The following L3MBTL4 variants were observed in gnomAD, a reference collection of about 807,000 sequenced individuals.
L3MBTL4 encodes L3MBTL histone methyl-lysine binding protein 4.
A neutral mutation model predicts 84.5 loss-of-function variants in L3MBTL4; 70 were observed. The ratio of observed to expected loss-of-function variants is 0.83; its 90% CI spans 0.68 to 1.01. L3MBTL4 has a LOEUF of 1.01. Among genes scored for constraint, L3MBTL4 ranks in the 50% least tolerant of loss-of-function variants. L3MBTL4 has a pLI of 0.00. For synonymous variants in L3MBTL4, 274 were observed against 259.8 expected (o/e 1.05, Z -0.52); for missense variants, 715 against 754.8 (o/e 0.95, Z 0.62).
intron 16 of L3MBTL4, among the ~76,000 whole-genome samples, chr18:6,035,737 A>G (rs984166873): frequency 3.3e-5 from 5 of 152,046 alleles, no homozygotes; most frequent in South Asian, 2.1e-4. Context: ...AATTACCTTG[A>G]GCAGTATGGC....
intron 16 of L3MBTL4, among the ~76,000 whole-genome samples, chr18:6,052,385 T>C (rs2056871497): frequency 6.6e-6 from 1 of 152,216 alleles, no homozygotes; most frequent in Admixed American, 6.5e-5. Context: ...TGTTCAGCAT[T>C]TTTCAGTATC....
intron 1 of L3MBTL4, among the ~76,000 whole-genome samples, chr18:6,387,325 G>A (rs58159974): frequency 0.01 from 1,566 of 152,244 alleles, 25 homozygotes; most frequent in African/African-American, 0.035. Context: ...ATACCCATAT[G>A]AGCATTCAAG....
intron 1 of L3MBTL4, among the ~76,000 whole-genome samples, chr18:6,346,455 T>G (rs918421565): frequency 4.6e-5 from 7 of 152,088 alleles, no homozygotes; most frequent in African/African-American, 1.7e-4. Flanking sequence ...GATAAGGGGC[T>G]AATATACAAA....
intron 4 of L3MBTL4, among the ~76,000 whole-genome samples, chr18:6,264,936 G>A (rs951563995): frequency 6.6e-6 from 1 of 152,186 alleles, no homozygotes; most frequent in Admixed American, 6.5e-5. Flanking sequence ...CAAAGTAAAG[G>A]TCCACAAAGG....
intron 16 of L3MBTL4, among the ~76,000 whole-genome samples, chr18:5,977,235 C>T (rs969141277): frequency 7.2e-5 from 11 of 152,212 alleles, no homozygotes; most frequent in African/African-American, 2.7e-4. Context: ...CCTGTGGTGC[C>T]CAGCTCCTCC....
chr18:6,070,437 ATTC>A (rs1225165719), intron 16 of L3MBTL4, among the ~76,000 whole-genome samples: 1 of 151,982 alleles, frequency 6.6e-6, no homozygotes, highest in Non-Finnish European at 1.5e-5. Flanking sequence ...CCAATCTAGA[ATTC>A]TATAACCTGT....
intron 12 of L3MBTL4, among the ~76,000 whole-genome samples, chr18:6,190,824 G>A (rs955866261): frequency 6.6e-6 from 1 of 152,170 alleles, no homozygotes; most frequent in African/African-American, 2.4e-5. Context: ...GAAAAGATAG[G>A]CTTAAAAGAG....
At chr18:6,048,127 G>A (rs1880997241) in intron 16 of L3MBTL4, among the ~76,000 whole-genome samples, 2 of 152,132 alleles carry the variant, frequency 1.3e-5, no homozygotes, top group Admixed American at 1.3e-4. Context: ...CAAGCTGAGA[G>A]CCAAATCATT....
chr18:6,243,233 T>C, intron 7 of L3MBTL4, 61 bp downstream of exon 7: 1 of 1,366,542 alleles, frequency 7.3e-7, no homozygotes, highest in Non-Finnish European at 9.7e-7. Flanking sequence ...AAAGTATTGT[T>C]AAAATATAAG....
chr18:6,150,043 G>C (rs2042824575), intron 13 of L3MBTL4, among the ~76,000 whole-genome samples: 1 of 152,130 alleles, frequency 6.6e-6, no homozygotes, highest in African/African-American at 2.4e-5. Context: ...TTATGAATTG[G>C]TTTTGAGCAT....
chr18:6,376,982 A>G (rs1008616692), intron 1 of L3MBTL4, among the ~76,000 whole-genome samples: 3 of 152,194 alleles, frequency 2.0e-5, no homozygotes, highest in African/African-American at 7.2e-5. Context: ...AACGCTGACT[A>G]TCACAAATTC....
intron 16 of L3MBTL4, among the ~76,000 whole-genome samples, chr18:5,974,567 G>A (rs1417180129): frequency 6.6e-6 from 1 of 152,210 alleles, no homozygotes; most frequent in Non-Finnish European, 1.5e-5. Context: ...AGACCTGCCA[G>A]TTGTGGACAG....
chr18:6,244,445 A>T (rs1253743033), intron 6 of L3MBTL4, 39 bp downstream of exon 6: 1 of 1,244,526 alleles, frequency 8.0e-7, no homozygotes, highest in Non-Finnish European at 1.2e-6. Flanking sequence ...TCTTTCTGTC[A>T]CTAGGCAATT....
intron 1 of L3MBTL4, among the ~76,000 whole-genome samples, chr18:6,368,829 G>A (rs1029022917): frequency 9.9e-5 from 15 of 152,104 alleles, no homozygotes; most frequent in African/African-American, 3.6e-4. Flanking sequence ...ATCACTTGAG[G>A]TCAGGAGTTT....
chr18:6,029,544 A>G, intron 16 of L3MBTL4: 1 of 985,400 alleles, frequency 1.0e-6, no homozygotes, highest in Non-Finnish European at 1.2e-6. Flanking sequence ...CAAGGAAGAA[A>G]TACGTCCATT....
intron 12 of L3MBTL4, among the ~76,000 whole-genome samples, chr18:6,190,592 C>T (rs552059989): frequency 6.6e-6 from 1 of 152,314 alleles, no homozygotes; most frequent in Admixed American, 6.5e-5. Context: ...ATACTTACTA[C>T]ATGTCTGGGA....
intron 4 of L3MBTL4, among the ~76,000 whole-genome samples, chr18:6,269,002 G>A (rs1431692264): frequency 2.0e-5 from 3 of 152,038 alleles, no homozygotes; most frequent in East Asian, 1.9e-4. Flanking sequence ...TCCCTAGCTC[G>A]GGCACCCCCA....
intron 16 of L3MBTL4, chr18:6,017,640 G>A (rs1439874338): frequency 6.6e-6 from 1 of 152,238 alleles, no homozygotes; most frequent in Non-Finnish European, 1.5e-5. Context: ...CATGCAGAGA[G>A]TGCACACCAG....
At chr18:5,967,650 G>A (rs554925335) in intron 17 of L3MBTL4, among the ~76,000 whole-genome samples, 7 of 152,326 alleles carry the variant, frequency 4.6e-5, no homozygotes, top group South Asian at 2.1e-4. Flanking sequence ...AAGTGAGTGC[G>A]AGGTCAGGCC....
Sources: gnomAD v4.1 joint callset for allele counts (sites outside exome capture counted in the v4.1 genomes callset) on GRCh38, gnomAD v4.1.1 for gene constraint, MANE v1.5 for transcripts, NCBI Gene and HGNC (gene_info 2026-07-23, HGNC 2026-07-21) for gene names.